Variants in THBS2 observed in about 807,000 individuals in gnomAD.
THBS2 encodes thrombospondin 2.
THBS2 carries 47 observed loss-of-function variants against 135.2 expected under a neutral mutation model. The observed-to-expected ratio is 0.35, with a 90% CI of 0.28 to 0.44. The LOEUF (loss-of-function observed/expected upper bound fraction) is 0.44, where lower values mean the gene tolerates loss of function less well. Among genes scored for constraint, THBS2 ranks in the 20% least tolerant of loss-of-function variants. The pLI is 1.00. For missense variants in THBS2, 1,288 were observed against 1,603.1 expected (o/e 0.80, Z 3.36); for synonymous variants, 639 against 633.8 (o/e 1.01, Z -0.12).
intron 9 of THBS2, among the ~76,000 whole-genome samples, chr6:169,236,324 C>T (rs1013694948): frequency 0.018 from 1,703 of 93,556 alleles, no homozygotes; most frequent in East Asian, 0.061. Context: ...TCCACACTCA[C>T]TCCCCCATCC....
chr6:169,220,842 C>G (rs982042488), intron 20 of THBS2, among the ~76,000 whole-genome samples: 1 of 152,202 alleles, frequency 6.6e-6, no homozygotes, highest in African/African-American at 2.4e-5. Flanking sequence ...CACGAGCCTG[C>G]ACTTCACCCA....
intron 18 of THBS2, 94 bp downstream of exon 18, chr6:169,223,154 T>A: frequency 8.5e-7 from 1 of 1,176,870 alleles, no homozygotes. Context: ...CCACATGGCA[T>A]CCCACCTGCA....
At chr6:169,239,754 A>G in intron 6 of THBS2, 59 bp from the exon 7 acceptor site, 1 of 1,332,120 alleles carries the variant, frequency 7.5e-7, no homozygotes, top group East Asian at 2.5e-5. Flanking sequence ...ACGCTGGTAC[A>G]AGGGCTGAGA....
chr6:169,238,700 C>A (rs1780191931), intron 7 of THBS2, among the ~76,000 whole-genome samples: 1 of 152,172 alleles, frequency 6.6e-6, no homozygotes, highest in Non-Finnish European at 1.5e-5. Context: ...AGAAAAATCC[C>A]ATTTTATTCA....
intron 7 of THBS2, 109 bp from the exon 8 acceptor site, chr6:169,237,904 A>G (rs898634664): frequency 6.2e-5 from 82 of 1,315,354 alleles, no homozygotes; most frequent in Non-Finnish European, 8.2e-5. Context: ...TGCATCCAGG[A>G]ATCTGAGGGG....
chr6:169,232,246 C>G, intron 12 of THBS2, 48 bp from the exon 13 acceptor site: 2 of 1,598,912 alleles, frequency 1.3e-6, no homozygotes, highest in African/African-American at 2.7e-5. Context: ...GACGATGGCT[C>G]CGGAGGCGTC....
chr6:169,242,739 ACCG>A, intron 4 of THBS2, among the ~76,000 whole-genome samples: 4 of 90,060 alleles, frequency 4.4e-5, no homozygotes, highest in Admixed American at 1.1e-4. Flanking sequence ...CCACCTTCCC[ACCG>A]CTCCCACCTT....
In THBS2 at chr6:169,234,740, G is replaced by T; in HGVS notation, c.1645C>A (p.Pro549Thr). ...GCTTCTACCCCTCACTCACCCACGG[G>T]GCAGCTCCTCTTGTTGCACATCTGA... is the stretch of plus-strand genomic sequence containing the variant. ...ERQMCNKRSC[P>T]VDGCLSNPCF... is the part of the protein sequence containing the mutation. The change falls in exon 10 of 22, where the codon CCC becomes ACC. Residue 549 changes from proline (P) to threonine (T), a missense_variant. Around this residue, in one of 2 missense-constraint regions of THBS2, gnomAD observed 874 missense variants for 1,156.1 expected, o/e 0.76. Transcript: ENST00000617924. 6.3e-7 allele frequency: 1 copy of T among 1,579,476 alleles called. No individual in the cohort carries two copies. The highest frequency in any genetic ancestry group is 2.3e-5 in the East Asian group (1 of 43,264).
rs113064415 is a variant in THBS2, at chr6:169,223,534, G to A, written c.2774-59C>T. 208 of 1,485,312 alleles carry A rather than the reference G, an allele frequency of 1.4e-4. 3 individuals carry two copies. In the Middle Eastern group the frequency reaches 1.6e-3, roughly 11 times the overall value. The allele number at this position is 1,485,312 out of a possible 1,614,324, so 92.0% of individuals were successfully genotyped here. A position where few individuals can be genotyped will look rare whatever the true frequency, so the allele number is the denominator to read the frequency against. ...AAACAAAGAAGCAAAGTCGGTGGTC[G>A]GTGGTTTGCCATTTGCTTTTCCGTG... On this transcript the variant is annotated intron_variant, in intron 17 of 21. Coordinates refer to ENST00000617924, the MANE Select transcript of THBS2 (RefSeq NM_003247.5).
At chr6:169,237,898 T>C in intron 7 of THBS2, 103 bp from the exon 8 acceptor site, 1 of 1,359,102 alleles carries the variant, frequency 7.4e-7, no homozygotes, top group Non-Finnish European at 9.7e-7. Context: ...AGTTCATGCA[T>C]CCAGGAATCT....
chr6:169,234,621 A>C (rs1779966248), intron 10 of THBS2, 113 bp downstream of exon 10: 3 of 1,105,958 alleles, frequency 2.7e-6, no homozygotes, highest in Admixed American at 3.4e-5. Flanking sequence ...TGCGTGTGCA[A>C]CTAAAATTGA....
chr6:169,240,355 C>T, intron 6 of THBS2, 97 bp downstream of exon 6: 1 of 1,481,398 alleles, frequency 6.8e-7, no homozygotes, highest in East Asian at 2.3e-5. Flanking sequence ...ACCGGTTTCA[C>T]ACATCAGCAC....
Position 169,217,430 on chromosome 6 carries a change from T to C in THBS2, c.*392A>G, listed in dbSNP as rs1343554932. The C allele has an allele frequency of 5.0e-6, 1 of 200,638 alleles. No homozygotes were observed. Among genetic ancestry groups the C allele is most frequent in the Non-Finnish European group, 1.0e-5 (1 of 100,458 alleles). The allele number at this position is 200,638 out of a possible 1,614,324, so 12.4% of individuals were successfully genotyped here. On this transcript the variant is annotated 3_prime_UTR_variant, in exon 22 of 22. Coordinates refer to ENST00000617924, the MANE Select transcript of THBS2 (RefSeq NM_003247.5). ...TCAGCAATATTTTTCATGCTTAATTTATCATAATGGCTTATGCACAGTATT... is the reference window on the plus strand; with the variant it reads ...TCAGCAATATTTTTCATGCTTAATTCATCATAATGGCTTATGCACAGTATT...
intron 13 of THBS2, among the ~76,000 whole-genome samples, chr6:169,231,383 G>A (rs1179502320): frequency 1.3e-5 from 2 of 152,230 alleles, no homozygotes; most frequent in East Asian, 3.9e-4. Flanking sequence ...GAGGGAGCAC[G>A]GCCCCGCTAG....
At chr6:169,232,265 G>GC in intron 12 of THBS2, 67 bp from the exon 13 acceptor site, 2 of 1,566,450 alleles carry the variant, frequency 1.3e-6, no homozygotes. Context: ...TCGAGGCGGG[G>GC]CGTCGGGCAC....
At position 169,231,979 on chromosome 6, in the gene THBS2, C is replaced by T; in HGVS notation, c.2151+1G>A. ...TGTGCCCTGCGAGCCCCGCGCCTCA[C>T]CTTGATGCAGTGGTAGGTGGCGTTG... is the stretch of plus-strand genomic sequence containing the variant. On this transcript the variant is annotated splice_donor_variant, in intron 13 of 21. Transcript: ENST00000617924. LOFTEE classifies it high-confidence loss of function. 6.2e-7 allele frequency: 1 copy of T among 1,613,646 alleles called. No individual in the cohort carries two copies. Among genetic ancestry groups the T allele is most frequent in the Non-Finnish European group, 8.5e-7 (1 of 1,179,862 alleles).
Position 169,217,949 on chromosome 6 carries a change from TATGGATGGATGG to T in THBS2, c.3512-132_3512-121del, listed in dbSNP as rs577755228. 11 of 943,020 alleles carry T rather than the reference TATGGATGGATGG, an allele frequency of 1.2e-5. No individual in the cohort carries two copies. The South Asian group carries it at 1.8e-4, about 15-fold the overall frequency. The allele number at this position is 943,020 out of a possible 1,614,324, so 58.4% of individuals were successfully genotyped here. On this transcript the variant is annotated intron_variant, in intron 21 of 21. Transcript: ENST00000617924. Reference sequence around the variant, plus strand: ...CTTTAATTAAAGATGAGATCTATCATATGGATGGATGGATGGATGGATGAAATGGATGGGTGG... The same window carrying T: ...CTTTAATTAAAGATGAGATCTATCATATGGATGGATGAAATGGATGGGTGG...
At chr6:169,219,356 T>TGAGATGGATGGG (rs1779334770) in intron 21 of THBS2, among the ~76,000 whole-genome samples, 5 of 79,664 alleles carry the variant, frequency 6.3e-5, no homozygotes, top group Non-Finnish European at 1.0e-4. Context: ...GGATGGATGG[T>TGAGATGGATGGG]TGGGTGAATG....
intron 3 of THBS2, 55 bp from the exon 4 acceptor site, chr6:169,246,336 A>ATGC (rs1780556009): frequency 7.3e-7 from 1 of 1,366,152 alleles, no homozygotes; most frequent in African/African-American, 1.4e-5. Context: ...CCAATGTTTG[A>ATGC]TGCCAAGCTA....
Sources: gnomAD v4.1 joint callset for allele counts (sites outside exome capture counted in the v4.1 genomes callset) on GRCh38, gnomAD v4.1.1 for gene constraint, gnomAD v4.1.1 regional missense constraint, MANE v1.5 for transcripts, NCBI Gene and HGNC (gene_info 2026-07-23, HGNC 2026-07-21) for gene names.